MAP3K19: variants seen among roughly 807,000 people sequenced by gnomAD.
The protein encoded by MAP3K19 is mitogen-activated protein kinase kinase kinase 19, also known as SPS1/STE20-related protein kinase YSK4.
A neutral mutation model predicts 114.4 loss-of-function variants in MAP3K19; 91 were observed. That is an observed-to-expected ratio of 0.80 (90% CI 0.67 to 0.95). The LOEUF is 0.95. MAP3K19 is among the 40% of genes least tolerant of loss of function. The probability of loss-of-function intolerance (pLI) is 0.00; values close to 1 mark genes in which losing one functional copy is unlikely to be tolerated. For synonymous variants in MAP3K19, 518 were observed against 530.5 expected (o/e 0.98, Z 0.32); for missense variants, 1,471 against 1,573.2 (o/e 0.94, Z 1.10).
At chr2:135,023,468 TC>T (rs1353745668) in intron 4 of MAP3K19, 4 of 533,380 alleles carry the variant, frequency 7.5e-6, no homozygotes, top group South Asian at 5.6e-5. Flanking sequence ...TTTCAACCGG[TC>T]CTTTCCCACA....
Position 134,986,179 on chromosome 2 carries a change from TC to T in MAP3K19, c.2692del (p.Asp898IlefsTer35), listed in dbSNP as rs1248366328. The T allele has an allele frequency of 1.2e-6, 2 of 1,613,850 alleles. No individual in the cohort carries two copies. The highest frequency in any genetic ancestry group is 4.5e-5 in the East Asian group (2 of 44,882). Reference sequence around the variant, plus strand: ...GAAATTTGTAAGTGTTTTAGAGTGATCTGAAACACTATCAAACTCTAGATCA... The same window carrying T: ...GAAATTTGTAAGTGTTTTAGAGTGATTGAAACACTATCAAACTCTAGATCA... ...TNDLEFDSVS[D>X]HSKTLTNFSF... On this transcript the variant is annotated frameshift_variant, in exon 10 of 13. Transcript: ENST00000392915. LOFTEE classifies it high-confidence loss of function.
chr2:135,006,970 C>A (rs971886571), intron 5 of MAP3K19, among the ~76,000 whole-genome samples: 4 of 151,916 alleles, frequency 2.6e-5, no homozygotes, highest in African/African-American at 9.7e-5. Context: ...TTGAGGCCAG[C>A]CTGGACAACA....
Position 134,986,860 on chromosome 2 carries a change from T to C in MAP3K19, c.2012A>G (p.Tyr671Cys). 1 of 1,614,162 alleles carries C rather than the reference T, an allele frequency of 6.2e-7. No homozygotes were observed. The highest frequency in any genetic ancestry group is 8.5e-7 in the Non-Finnish European group (1 of 1,180,008). Residue 671 changes from tyrosine to cysteine, a missense_variant, in exon 10 of 13, where the codon TAT becomes TGT. Physicochemically the swap from Tyr to Cys is radical, Grantham distance 194. Coordinates refer to ENST00000392915, the MANE Select transcript of MAP3K19 (RefSeq NM_025052.5). ...CCTTTCAGTCTCTCGCACATGACAA[T>C]AAACAGGGGTCCCAAACATTTCATA... is the stretch of plus-strand genomic sequence containing the variant. ...GIYEMFGTPV[Y>C]CHVRETERDE...
At chr2:135,005,774 C>A (rs1686770251) in intron 5 of MAP3K19, among the ~76,000 whole-genome samples, 1 of 152,166 alleles carries the variant, frequency 6.6e-6, no homozygotes. Flanking sequence ...CACATCGACA[C>A]ATAGAAACTC....
intron 5 of MAP3K19, among the ~76,000 whole-genome samples, chr2:135,015,055 T>C (rs1022630546): frequency 6.6e-6 from 1 of 152,250 alleles, no homozygotes; most frequent in Non-Finnish European, 1.5e-5. Flanking sequence ...CTGTTAGGTA[T>C]GTATTTAGGA....
chr2:134,998,059 A>G (rs1530559), intron 8 of MAP3K19, among the ~76,000 whole-genome samples: 93,873 of 151,880 alleles, frequency 0.62, 31,215 homozygotes, highest in Middle Eastern at 0.93. Context: ...CAAAGACAAT[A>G]TTGCCGCAGG....
At chr2:135,044,653 T>C (rs996110487) in intron 1 of MAP3K19, among the ~76,000 whole-genome samples, 2 of 152,180 alleles carry the variant, frequency 1.3e-5, no homozygotes, top group African/African-American at 4.8e-5. Context: ...ATTTGCAGAA[T>C]AGTCTTATTT....
In MAP3K19 at chr2:134,986,321, G is replaced by T. The variant is rs754685012; in HGVS notation, c.2551C>A (p.Pro851Thr). The part of the protein sequence containing the change: ...EELHHQIPFI[P>T]SEDSWAVPSE... ...GGCACTGCCCAGCTGTCTTCTGAAG[G>T]GATAAATGGGATCTGGTGATGTAGC... Residue 851 changes from proline to threonine, a missense_variant, in exon 10 of 13, where the codon CCT becomes ACT. By Grantham distance (38) the Pro-to-Thr change is conservative. Transcript: ENST00000392915. The T allele has an allele frequency of 1.9e-6, 3 of 1,613,704 alleles. No individual in the cohort carries two copies. The highest frequency in any genetic ancestry group is 2.5e-6 in the Non-Finnish European group (3 of 1,179,908).
At chr2:134,995,435 G>T (rs1685915979) in intron 8 of MAP3K19, among the ~76,000 whole-genome samples, 1 of 152,166 alleles carries the variant, frequency 6.6e-6, no homozygotes, top group Non-Finnish European at 1.5e-5. Context: ...TCTCAGATGG[G>T]CGGCTGGGCA....
intron 4 of MAP3K19, chr2:135,023,398 G>A: frequency 1.9e-6 from 1 of 527,378 alleles, no homozygotes; most frequent in Non-Finnish European, 3.9e-6. Context: ...GTCCCTCAAT[G>A]ACCTCACCCA....
intron 2 of MAP3K19, 105 bp downstream of exon 2, chr2:135,040,258 A>C (rs1262563584): frequency 6.6e-6 from 1 of 152,638 alleles, no homozygotes; most frequent in East Asian, 1.9e-4. Context: ...GTCTTCAGAC[A>C]TTCTTTCATG....
chr2:135,041,380 GCC>G (rs569480995), intron 1 of MAP3K19, among the ~76,000 whole-genome samples: 159 of 148,534 alleles, frequency 1.1e-3, no homozygotes, highest in Admixed American at 2.7e-3. Flanking sequence ...TCACTCTCTC[GCC>G]CAGGCTAGAG....
At chr2:134,977,926 G>T (rs988719702) in intron 12 of MAP3K19, among the ~76,000 whole-genome samples, 1 of 152,048 alleles carries the variant, frequency 6.6e-6, no homozygotes, top group African/African-American at 2.4e-5. Context: ...CAGATTTAAT[G>T]AGCTGTTTGT....
intron 12 of MAP3K19, among the ~76,000 whole-genome samples, chr2:134,979,046 C>G (rs755874047): frequency 6.6e-6 from 1 of 152,196 alleles, no homozygotes; most frequent in African/African-American, 2.4e-5. Context: ...TTTCCCTAGT[C>G]TATGCCTGAT....
chr2:135,021,708 C>A lies in MAP3K19; in HGVS notation c.138+7G>T, dbSNP rs772068855. The stretch of plus-strand genomic sequence containing the variant: ...TGTCCGTTGTTTCTTTAAAGGGAGG[C>A]TCTTACCTCACTTCTGCTGATGCTT... On this transcript the variant is annotated splice_region_variant and intron_variant, in intron 5 of 12. Transcript: ENST00000392915. 2 of 1,553,132 alleles carry A rather than the reference C, an allele frequency of 1.3e-6. No homozygotes were observed. Among genetic ancestry groups the A allele is most frequent in the Non-Finnish European group, 1.8e-6 (2 of 1,128,710 alleles).
intron 2 of MAP3K19, among the ~76,000 whole-genome samples, chr2:135,034,816 C>T (rs1411808986): frequency 2.1e-5 from 1 of 47,524 alleles, no homozygotes; most frequent in East Asian, 7.3e-4. Flanking sequence ...AGACCGTGGG[C>T]TGTGGGGAGA....
intron 12 of MAP3K19, among the ~76,000 whole-genome samples, chr2:134,965,914 A>G (rs1445950295): frequency 1.3e-5 from 2 of 152,170 alleles, no homozygotes; most frequent in East Asian, 3.8e-4. Context: ...GCCTCTGATA[A>G]CTATCATTCT....
At position 134,998,967 on chromosome 2, in the gene MAP3K19, T is replaced by C; in HGVS notation, c.345A>G (p.Ala115=). The C allele has an allele frequency of 6.2e-7, 1 of 1,613,824 alleles. No homozygotes were observed. The highest frequency in any genetic ancestry group is 8.5e-7 in the Non-Finnish European group (1 of 1,179,990). The change falls in exon 8 of 13, where the codon GCA becomes GCG. Residue 115 remains alanine, a synonymous_variant. Transcript: ENST00000392915. ...NLINSSLQEW[A]QAHAVSHPNE... is the part of the protein sequence containing the mutation. ...TTGGATGAGAAACTGCATGTGCTTG[T>C]GCCCATTCTTGAAGCGATGAGTTTA...
intron 5 of MAP3K19, among the ~76,000 whole-genome samples, chr2:135,016,647 A>G (rs1210704551): frequency 1.3e-5 from 2 of 152,216 alleles, no homozygotes; most frequent in Non-Finnish European, 2.9e-5. Context: ...AACATGTTAC[A>G]TCATTCTATT....
Sources: gnomAD v4.1 joint callset for allele counts (sites outside exome capture counted in the v4.1 genomes callset) on GRCh38, gnomAD v4.1.1 for gene constraint, MANE v1.5 for transcripts, NCBI Gene and HGNC (gene_info 2026-07-23, HGNC 2026-07-21) for gene names.